Variants in STAG1 observed in about 807,000 individuals in gnomAD.
STAG1 encodes STAG1 cohesin complex component, also known as cohesin subunit SA-1.
STAG1 carries 26 observed loss-of-function variants against 170.9 expected under a neutral mutation model. The ratio of observed to expected loss-of-function variants is 0.15; its 90% confidence interval spans 0.11 to 0.21. The LOEUF is 0.21. Among genes scored for constraint, STAG1 ranks in the 10% least tolerant of loss-of-function variants. The probability of loss-of-function intolerance (pLI) is 1.00; values close to 1 mark genes in which losing one functional copy is unlikely to be tolerated. For synonymous variants in STAG1, 514 were observed against 497.7 expected (o/e 1.03, Z -0.44); for missense variants, 964 against 1,509.5 (o/e 0.64, Z 5.99).
At chr3:136,373,561 T>C (rs1464075891) in intron 23 of STAG1, among the ~76,000 whole-genome samples, 1 of 152,218 alleles carries the variant, frequency 6.6e-6, no homozygotes, top group Admixed American at 6.5e-5. Context: ...TTTGTTCTCG[T>C]TGGTTTCAAA....
rs571072051 is a variant in STAG1, at chr3:136,348,943, T to G, written c.3271+215A>C. On this transcript the variant is annotated intron_variant, in intron 29 of 33. Coordinates refer to ENST00000383202, the MANE Select transcript of STAG1 (RefSeq NM_005862.3). ...AATTTTTTCCTCTTTTGGGCTGTCTTCCTTTGTGCTCCATGCTTCCTCAAC... is the reference window on the plus strand; with the variant it reads ...AATTTTTTCCTCTTTTGGGCTGTCTGCCTTTGTGCTCCATGCTTCCTCAAC... 2.0e-4 allele frequency: 111 copies of G among 564,580 alleles called. 2 individuals carry two copies. In the South Asian group the frequency reaches 2.2e-3, roughly 11 times the overall value. The allele number at this position is 564,580 out of a possible 1,614,324, so 35.0% of individuals were successfully genotyped here. A position where few individuals can be genotyped will look rare whatever the true frequency, so the allele number is the denominator to read the frequency against.
intron 12 of STAG1, among the ~76,000 whole-genome samples, chr3:136,470,918 G>C (rs7649749): frequency 0.012 from 1,739 of 150,770 alleles, 24 homozygotes; most frequent in African/African-American, 0.041. Context: ...TCACTCATAG[G>C]TGGGAATTGA....
At chr3:136,457,649 A>C (rs2089155454) in intron 13 of STAG1, among the ~76,000 whole-genome samples, 1 of 152,148 alleles carries the variant, frequency 6.6e-6, no homozygotes, top group African/African-American at 2.4e-5. Flanking sequence ...GTTGGGTCTG[A>C]TCACCCCAAC....
rs755143749 is a variant in STAG1, at chr3:136,433,628, T to C, written c.1578A>G (p.Ile526Met). Residue 526 changes from isoleucine (I) to methionine (M), a missense_variant, in exon 16 of 34, where the codon ATA becomes ATG. Around this residue, in one of 11 missense-constraint regions of STAG1, gnomAD observed 162 missense variants for 211.2 expected, o/e 0.77. Transcript: ENST00000383202. ...AMSDRQESAL[I>M]ELMVCTIRQA... is the part of the protein sequence containing the mutation. ...GACGAATTGTACAAACCATTAGCTC[T>C]ATAAGAGCACTCTCTTGACGATCAG... 1 of 1,609,404 alleles carries C rather than the reference T, an allele frequency of 6.2e-7. No homozygotes were observed. The highest frequency in any genetic ancestry group is 1.1e-5 in the South Asian group (1 of 90,226).
At chr3:136,701,085 T>C (rs1456847248) in intron 1 of STAG1, among the ~76,000 whole-genome samples, 1 of 151,762 alleles carries the variant, frequency 6.6e-6, no homozygotes, top group Non-Finnish European at 1.5e-5. Flanking sequence ...TTTCACCACG[T>C]TGGCCAGGCT....
chr3:136,680,306 G>A (rs1942291112), intron 1 of STAG1, among the ~76,000 whole-genome samples: 2 of 152,086 alleles, frequency 1.3e-5, no homozygotes, highest in East Asian at 1.9e-4. Flanking sequence ...CTTAGGTGGG[G>A]GAATTCCCTC....
intron 22 of STAG1, among the ~76,000 whole-genome samples, chr3:136,388,065 T>G (rs1223123493): frequency 4.6e-5 from 7 of 152,208 alleles, no homozygotes; most frequent in Non-Finnish European, 4.4e-5. Context: ...TAGTTCATTT[T>G]GGTTTGAGCA....
Position 136,366,958 on chromosome 3 carries a change from G to A in STAG1, c.2670C>T (p.Phe890=), listed in dbSNP as rs1937096413. The A allele has an allele frequency of 9.4e-6, 15 of 1,603,112 alleles. No individual in the cohort carries two copies. Among genetic ancestry groups the A allele is most frequent in the Non-Finnish European group, 1.3e-5 (15 of 1,173,212 alleles). Residue 890 remains phenylalanine (F), a synonymous_variant, in exon 25 of 34, where the codon TTC becomes TTT. Transcript: ENST00000383202. ...TTAACTATACCTTCATGTAGTGTTT[G>A]AAGATGTCTGCAGCTGCATGCATGT... is the stretch of plus-strand genomic sequence containing the variant. ...IVDMHAAADI[F]KHYMKYYNDY...
At chr3:136,681,570 C>T (rs576762880) in intron 1 of STAG1, among the ~76,000 whole-genome samples, 6 of 152,196 alleles carry the variant, frequency 3.9e-5, no homozygotes, top group Non-Finnish European at 1.5e-5. Flanking sequence ...CAGCCACTGC[C>T]ATTTACAGCA....
chr3:136,455,260 T>C (rs1182539808), intron 13 of STAG1, among the ~76,000 whole-genome samples: 3 of 152,128 alleles, frequency 2.0e-5, no homozygotes, highest in Non-Finnish European at 4.4e-5. Flanking sequence ...AACACAAGGA[T>C]ACCACCCTGA....
intron 5 of STAG1, among the ~76,000 whole-genome samples, chr3:136,543,313 C>T (rs1323722258): frequency 6.6e-6 from 1 of 152,044 alleles, no homozygotes; most frequent in East Asian, 1.9e-4. Flanking sequence ...AAAGACACTG[C>T]TCTTAAACAC....
rs934258061 is a variant in STAG1 at position 136,507,155 on chromosome 3, T to C, written c.677-4376A>G. On this transcript the variant is annotated intron_variant, in intron 7 of 33. Coordinates refer to ENST00000383202, the MANE Select transcript of STAG1 (RefSeq NM_005862.3). Reference sequence around the variant, plus strand: ...ATGGTTACATAGCAATTGGTGGACATAGAATTTGAGTATAGGCAGCCTTGC... The same window carrying C: ...ATGGTTACATAGCAATTGGTGGACACAGAATTTGAGTATAGGCAGCCTTGC... 6.4e-4 allele frequency among the ~76,000 whole-genome samples: 97 copies of C among 152,268 alleles called. 1 individual carries two copies. Among genetic ancestry groups the C allele is most frequent in the African/African-American group, 2.1e-3 (88 of 41,560 alleles).
At chr3:136,608,122 T>A (rs1269290140) in intron 3 of STAG1, among the ~76,000 whole-genome samples, 1 of 152,022 alleles carries the variant, frequency 6.6e-6, no homozygotes, top group Non-Finnish European at 1.5e-5. Context: ...CCAGGCGTGG[T>A]GGCACATGCC....
At chr3:136,644,133 T>C (rs767498284) in intron 1 of STAG1, among the ~76,000 whole-genome samples, 1 of 152,140 alleles carries the variant, frequency 6.6e-6, no homozygotes, top group East Asian at 1.9e-4. Flanking sequence ...TTTTATAATA[T>C]GAAACTGTGG....
chr3:136,649,382 G>A (rs1418109597), intron 1 of STAG1, among the ~76,000 whole-genome samples: 1 of 151,906 alleles, frequency 6.6e-6, no homozygotes, highest in East Asian at 1.9e-4. Context: ...TGGAGGCTGA[G>A]GCATGAGAAT....
At chr3:136,580,201 T>C (rs1162628979) in intron 4 of STAG1, among the ~76,000 whole-genome samples, 1 of 151,998 alleles carries the variant, frequency 6.6e-6, no homozygotes, top group Non-Finnish European at 1.5e-5. Context: ...TCTCTTGACC[T>C]TGTGATATGC....
chr3:136,521,103 T>C lies in STAG1; in HGVS notation c.676+110A>G, dbSNP rs113180288. ...TTTTAACAAAAACTATTCAAATGAC[T>C]GTTTTATTCTAATTAAATTTTTAAT... On this transcript the variant is annotated intron_variant, in intron 7 of 33. Transcript: ENST00000383202. 467 of 874,924 alleles carry C rather than the reference T, an allele frequency of 5.3e-4. 1 individual carries two copies. Among genetic ancestry groups the C allele is most frequent in the Non-Finnish European group, 7.0e-4 (403 of 579,832 alleles). 54.2% of individuals were successfully genotyped at this position (874,924 alleles called of 1,614,324 possible).
chr3:136,704,710 T>C (rs1177633253), intron 1 of STAG1, among the ~76,000 whole-genome samples: 1 of 149,502 alleles, frequency 6.7e-6, no homozygotes, highest in Non-Finnish European at 1.5e-5. Flanking sequence ...GCATCTGTAG[T>C]CCCAACTACT....
intron 1 of STAG1, among the ~76,000 whole-genome samples, chr3:136,712,684 T>G (rs1576797647): frequency 6.6e-6 from 1 of 152,324 alleles, no homozygotes; most frequent in Admixed American, 6.5e-5. Context: ...AAAAGTTCAG[T>G]AAAACCACTC....
Sources: allele counts gnomAD v4.1 joint callset (sites outside exome capture counted in the v4.1 genomes callset), GRCh38; gene constraint gnomAD v4.1.1; regional missense constraint gnomAD v4.1.1; transcripts MANE v1.5; gene names NCBI Gene and HGNC (gene_info 2026-07-23, HGNC 2026-07-21).